The following CELF4 variants were observed in gnomAD, a reference collection of about 807,000 sequenced individuals.
CELF4 encodes CUGBP Elav-like family member 4.
In CELF4, 18 loss-of-function variants were observed where a neutral mutation model predicts 59.9. The observed-to-expected ratio is 0.30, with a 90% CI of 0.21 to 0.45. The LOEUF (loss-of-function observed/expected upper bound fraction) is 0.45, where lower values mean the gene tolerates loss of function less well. CELF4 is among the 20% of genes least tolerant of loss of function. CELF4 has a pLI of 1.00. For missense variants in CELF4, 456 were observed against 689.0 expected (o/e 0.66, Z 3.79); for synonymous variants, 261 against 267.1 (o/e 0.98, Z 0.22).
intron 2 of CELF4, among the ~76,000 whole-genome samples, chr18:37,432,693 C>T (rs1163328090): frequency 6.6e-6 from 1 of 152,210 alleles, no homozygotes; most frequent in Non-Finnish European, 1.5e-5. Flanking sequence ...AGAGAAGCTG[C>T]TTCCTGTTTC....
chr18:37,517,334 T>C (rs559829153), intron 1 of CELF4, among the ~76,000 whole-genome samples: 1 of 152,184 alleles, frequency 6.6e-6, no homozygotes, highest in South Asian at 2.1e-4. Flanking sequence ...TGGAAGGTAA[T>C]GGGAAACTGC....
chr18:37,294,009 A>G (rs2095497839), intron 3 of CELF4, among the ~76,000 whole-genome samples: 2 of 152,102 alleles, frequency 1.3e-5, no homozygotes, highest in Non-Finnish European at 2.9e-5. Context: ...ACTTCCAGAT[A>G]AACAATTTCA....
intron 2 of CELF4, among the ~76,000 whole-genome samples, chr18:37,385,056 T>A (rs1012765130): frequency 1.3e-5 from 2 of 152,180 alleles, no homozygotes; most frequent in Non-Finnish European, 1.5e-5. Context: ...TAAGGAAATG[T>A]GATCACTAGG....
At chr18:37,543,137 G>A (rs1463497658) in intron 1 of CELF4, among the ~76,000 whole-genome samples, 1 of 152,152 alleles carries the variant, frequency 6.6e-6, no homozygotes, top group Non-Finnish European at 1.5e-5. Flanking sequence ...CACCACCCTG[G>A]AATCTGAACT....
Position 37,244,565 on chromosome 18 carries a change from TTG to T in CELF4, c.*675_*676del, listed in dbSNP as rs755068343. 14 of 120,466 alleles carry T rather than the reference TTG, an allele frequency of 1.2e-4. No homozygotes were observed. The highest frequency in any genetic ancestry group is 2.1e-4 in the Non-Finnish European group (13 of 60,636). 7.5% of individuals were successfully genotyped at this position (120,466 alleles called of 1,614,324 possible). A position where few individuals can be genotyped will look rare whatever the true frequency, so the allele number is the denominator to read the frequency against. On this transcript the variant is annotated 3_prime_UTR_variant, in exon 13 of 13. Coordinates refer to ENST00000420428, the MANE Select transcript of CELF4 (RefSeq NM_020180.4). The stretch of plus-strand genomic sequence containing the variant: ...TGAAGCGTTATTTTTCCTTTTTTTG[TTG>T]TTTTTTTTGTTTTTTGTTTTTTTTT...
intron 9 of CELF4, 38 bp downstream of exon 9, chr18:37,266,495 A>G (rs1297290217): frequency 6.4e-7 from 1 of 1,557,276 alleles, no homozygotes; most frequent in Non-Finnish European, 8.7e-7. Context: ...AGATAAACGG[A>G]GTTGGGGAAG....
intron 1 of CELF4, among the ~76,000 whole-genome samples, chr18:37,563,283 C>T (rs890947698): frequency 6.6e-6 from 1 of 151,926 alleles, no homozygotes; most frequent in African/African-American, 2.4e-5. Context: ...AATGAAGAAG[C>T]AAATAAAGTG....
In CELF4 at chr18:37,326,404, C is replaced by T. The variant is rs369292008; in HGVS notation, c.370-4523G>A. On this transcript the variant is annotated intron_variant, in intron 2 of 12. Coordinates refer to ENST00000420428, the MANE Select transcript of CELF4 (RefSeq NM_020180.4). ...CGTCTCTGCTCCTCTGTCAGCTACT[C>T]CTCTCCACCAGTGCGCTGTCCTCCC... is the stretch of plus-strand genomic sequence containing the variant. Among the ~76,000 whole-genome samples, 4 of 152,316 alleles carry T rather than the reference C, an allele frequency of 2.6e-5. No homozygotes were observed. In the South Asian group the frequency reaches 8.3e-4, roughly 32 times the overall value.
intron 3 of CELF4, among the ~76,000 whole-genome samples, chr18:37,316,196 A>G (rs1435289471): frequency 1.3e-5 from 2 of 152,020 alleles, no homozygotes; most frequent in African/African-American, 4.8e-5. Context: ...TGCCCTAGGG[A>G]GGTATCATCA....
Position 37,565,757 on chromosome 18 carries a change from G to C in CELF4, c.-116C>G. 1 of 768,240 alleles carries C rather than the reference G, an allele frequency of 1.3e-6. No individual in the cohort carries two copies. Among genetic ancestry groups the C allele is most frequent in the East Asian group, 3.1e-5 (1 of 32,624 alleles). The allele number at this position is 768,240 out of a possible 1,614,324, so 47.6% of individuals were successfully genotyped here. A position where few individuals can be genotyped will look rare whatever the true frequency, so the allele number is the denominator to read the frequency against. On this transcript the variant is annotated 5_prime_UTR_variant, in exon 1 of 13. Coordinates refer to ENST00000420428, the MANE Select transcript of CELF4 (RefSeq NM_020180.4). ...CACACACTCGGGTTCTCTCCCCCTC[G>C]GTTTCTCTACACCTCGCTCTCCGCT...
chr18:37,544,146 T>G (rs987236874), intron 1 of CELF4, among the ~76,000 whole-genome samples: 1 of 116,404 alleles, frequency 8.6e-6, no homozygotes, highest in Non-Finnish European at 1.7e-5. Flanking sequence ...TGAACTCTTT[T>G]ACTTCCTTTT....
In CELF4 at chr18:37,246,568, A is replaced by T. The variant is rs2062211055; in HGVS notation, c.*45-1371T>A. Among the ~76,000 whole-genome samples the T allele has an allele frequency of 1.3e-5, 2 of 151,906 alleles. No individual in the cohort carries two copies. Among genetic ancestry groups the T allele is most frequent in the Non-Finnish European group, 2.9e-5 (2 of 67,916 alleles). ...TTTTTTTATCATTCTGTTACTGTAG[A>T]TATTTTGTTTTTGTTTTTTTGTTTT... On this transcript the variant is annotated intron_variant, in intron 12 of 12. Transcript: ENST00000420428. The surrounding 1 kb of genome is among the most constrained non-coding windows in gnomAD (Gnocchi z 5.3).
At chr18:37,333,178 T>A (rs2097612646) in intron 2 of CELF4, among the ~76,000 whole-genome samples, 1 of 149,210 alleles carries the variant, frequency 6.7e-6, no homozygotes, top group Admixed American at 6.6e-5. Flanking sequence ...GCGGGGCTGT[T>A]AACTTAACCT....
Position 37,264,628 on chromosome 18 carries a change from G to A in CELF4, c.1249+46C>T, listed in dbSNP as rs549528769. 136 of 1,498,624 alleles carry A rather than the reference G, an allele frequency of 9.1e-5. 3 individuals are homozygous for A. The South Asian group carries it at 1.4e-3, about 16-fold the overall frequency. 92.8% of individuals were successfully genotyped at this position (1,498,624 alleles called of 1,614,324 possible). ...GGCCCAGGTGAGCAGCCTCTTTGGG[G>A]ACAACAGGGGGAGGGAGGGGCCCAG... is the stretch of plus-strand genomic sequence containing the variant. On this transcript the variant is annotated intron_variant, in intron 10 of 12. Coordinates refer to ENST00000420428, the MANE Select transcript of CELF4 (RefSeq NM_020180.4).
At chr18:37,361,000 T>C (rs903425316) in intron 2 of CELF4, among the ~76,000 whole-genome samples, 4 of 152,206 alleles carry the variant, frequency 2.6e-5, no homozygotes, top group South Asian at 2.1e-4. Flanking sequence ...TGGCCCACAG[T>C]AGGTGTTCAT....
intron 1 of CELF4, among the ~76,000 whole-genome samples, chr18:37,541,434 G>C (rs187488156): frequency 6.6e-6 from 1 of 151,940 alleles, no homozygotes; most frequent in Non-Finnish European, 1.5e-5. Flanking sequence ...TCTGTTTCTC[G>C]CACCTTCACT....
At chr18:37,517,957 G>A (rs897394391) in intron 1 of CELF4, among the ~76,000 whole-genome samples, 4 of 152,156 alleles carry the variant, frequency 2.6e-5, no homozygotes, top group African/African-American at 9.7e-5. Flanking sequence ...CCTATAACTG[G>A]GGGTAAGTCT....
chr18:37,460,019 C>T (rs1246917006), intron 2 of CELF4, among the ~76,000 whole-genome samples: 1 of 152,118 alleles, frequency 6.6e-6, no homozygotes, highest in Non-Finnish European at 1.5e-5. Flanking sequence ...TTACAAAAAC[C>T]TAGCAGTTCA....
At chr18:37,380,342 T>G (rs898110263) in intron 2 of CELF4, among the ~76,000 whole-genome samples, 1 of 152,090 alleles carries the variant, frequency 6.6e-6, no homozygotes, top group African/African-American at 2.4e-5. Flanking sequence ...AGGTTGAAGG[T>G]CTATGTTCAA....
Sources: gnomAD v4.1 joint callset for allele counts (sites outside exome capture counted in the v4.1 genomes callset) on GRCh38, gnomAD v4.1.1 for gene constraint, Gnocchi (gnomAD v3.1) non-coding constraint, MANE v1.5 for transcripts, NCBI Gene and HGNC (gene_info 2026-07-23, HGNC 2026-07-21) for gene names.